KCNA2: variants seen among roughly 807,000 people sequenced by gnomAD.
The protein encoded by KCNA2 is potassium voltage-gated channel subfamily A member 2.
KCNA2 carries 11 observed loss-of-function variants against 33.4 expected under a neutral mutation model. That is an observed-to-expected ratio of 0.33 (90% CI 0.21 to 0.55). The LOEUF (loss-of-function observed/expected upper bound fraction) is 0.55, where lower values mean the gene tolerates loss of function less well. Ranked by LOEUF, KCNA2 falls within the 20% of genes least tolerant of loss-of-function variation. The pLI is 0.93. For missense variants in KCNA2, 291 were observed against 621.6 expected (o/e 0.47, Z 5.66); for synonymous variants, 222 against 231.3 (o/e 0.96, Z 0.37).
Position 110,597,698 on chromosome 1 carries a change from A to C in KCNA2, c.*5585T>G. ...ACTGTGAATGAGCCCCCAGAAGTCAAGGGCATTATCTGATAATCCAGGTAC... is the reference window on the plus strand; with the variant it reads ...ACTGTGAATGAGCCCCCAGAAGTCACGGGCATTATCTGATAATCCAGGTAC... On this transcript the variant is annotated 3_prime_UTR_variant, in exon 3 of 3. Transcript: ENST00000316361. The C allele has an allele frequency of 5.1e-6, 5 of 985,460 alleles. No homozygotes were observed. Among genetic ancestry groups the C allele is most frequent in the Non-Finnish European group, 4.8e-6 (4 of 829,936 alleles). 61.0% of individuals were successfully genotyped at this position (985,460 alleles called of 1,614,324 possible).
intron 1 of KCNA2, among the ~76,000 whole-genome samples, chr1:110,624,155 G>T (rs1489047250): frequency 2.0e-5 from 3 of 152,146 alleles, no homozygotes; most frequent in Non-Finnish European, 4.4e-5. Flanking sequence ...CCATCCAAGA[G>T]AAATAAAAAC....
In KCNA2 at chr1:110,602,240, T is replaced by A. The variant is rs1260932180; in HGVS notation, c.*1043A>T. 3.3e-6 allele frequency: 5 copies of A among 1,537,124 alleles called. No individual in the cohort carries two copies. The Admixed American group carries it at 8.0e-5, about 24-fold the overall frequency. On this transcript the variant is annotated 3_prime_UTR_variant, in exon 3 of 3. Transcript: ENST00000316361. ...TTAGTTCCATTCCAAATAGTCTATT[T>A]TTTTTCCCCTGATGGAGGGATTTTT...
At chr1:110,627,648 A>C (rs1650433864) in intron 1 of KCNA2, among the ~76,000 whole-genome samples, 1 of 152,148 alleles carries the variant, frequency 6.6e-6, no homozygotes, top group African/African-American at 2.4e-5. Context: ...TTGTCTGAAG[A>C]AAGTGGGTAA....
intron 1 of KCNA2, among the ~76,000 whole-genome samples, chr1:110,625,316 G>T (rs1052436972): frequency 6.6e-6 from 1 of 152,198 alleles, no homozygotes; most frequent in African/African-American, 2.4e-5. Flanking sequence ...TGAATGGGAA[G>T]TTCAGACATA....
intron 1 of KCNA2, among the ~76,000 whole-genome samples, chr1:110,630,534 T>C (rs1024045840): frequency 6.6e-6 from 1 of 152,214 alleles, no homozygotes; most frequent in Admixed American, 6.5e-5. Flanking sequence ...AATGGATTCA[T>C]GGTTTCAGTT....
rs1004796713 is a variant in KCNA2 at position 110,606,306 on chromosome 1, AT to A, written c.-575del. 2.6e-5 allele frequency: 4 copies of A among 152,136 alleles called. No homozygotes were observed. Among genetic ancestry groups the A allele is most frequent in the African/African-American group, 9.7e-5 (4 of 41,414 alleles). The allele number at this position is 152,136 out of a possible 1,614,324, so 9.4% of individuals were successfully genotyped here. On this transcript the variant is annotated 5_prime_UTR_variant, in exon 1 of 3. Transcript: ENST00000316361. The stretch of plus-strand genomic sequence containing the variant: ...GAGCTGGGCAGGCGCTCGACCACTG[AT>A]TTCTCCCCCAAGAGAAAATCCCTCA...
Position 110,602,851 on chromosome 1 carries a change from C to T in KCNA2, c.*432G>A. On this transcript the variant is annotated 3_prime_UTR_variant, in exon 3 of 3. Transcript: ENST00000316361. ...GTATGACCTTTTGAACAAACACCAG[C>T]TATTTAAAGCTAAGCCATGATTGTG... 1 of 1,004,734 alleles carries T rather than the reference C, an allele frequency of 1.0e-6. No individual in the cohort carries two copies. Among genetic ancestry groups the T allele is most frequent in the Non-Finnish European group, 1.2e-6 (1 of 842,932 alleles). 62.2% of individuals were successfully genotyped at this position (1,004,734 alleles called of 1,614,324 possible). A position where few individuals can be genotyped will look rare whatever the true frequency, so the allele number is the denominator to read the frequency against.
intron 1 of KCNA2, among the ~76,000 whole-genome samples, chr1:110,626,169 A>G (rs1380173307): frequency 6.6e-6 from 1 of 152,202 alleles, no homozygotes; most frequent in Non-Finnish European, 1.5e-5. Context: ...TTGCTGCATG[A>G]TCTGTAATAG....
chr1:110,603,221 C>T lies in KCNA2; in HGVS notation c.*62G>A. The stretch of plus-strand genomic sequence containing the variant: ...ACTGTAGAACACACTGACTACAATG[C>T]AGGCTATTATGCAACATCTGCATTA... On this transcript the variant is annotated 3_prime_UTR_variant, in exon 3 of 3. Transcript: ENST00000316361. The surrounding 1 kb of genome is among the most constrained non-coding windows in gnomAD (Gnocchi z 5.7). 1.3e-6 allele frequency: 2 copies of T among 1,542,544 alleles called. No individual in the cohort carries two copies. Among genetic ancestry groups the T allele is most frequent in the East Asian group, 4.5e-5 (2 of 44,404 alleles).
upstream of KCNA2, chr1:110,607,170 G>T (rs1391079408): frequency 1.3e-5 from 2 of 152,204 alleles, no homozygotes; most frequent in East Asian, 3.9e-4. Context: ...CTGCGCCGCC[G>T]GGTGCCCCGC....
intron 1 of KCNA2, among the ~76,000 whole-genome samples, chr1:110,625,653 C>G (rs969209823): frequency 6.6e-6 from 1 of 151,850 alleles, no homozygotes; most frequent in Non-Finnish European, 1.5e-5. Context: ...TAAGACAATT[C>G]AAAGAAAAAT....
intron 1 of KCNA2, among the ~76,000 whole-genome samples, chr1:110,618,824 G>C (rs1298698379): frequency 1.3e-5 from 2 of 152,042 alleles, no homozygotes; most frequent in East Asian, 3.9e-4. Context: ...TATGGCCTCT[G>C]CCTTCAGACC....
chr1:110,594,610 ATCATGGGACTT>A lies in KCNA2; in HGVS notation c.*8662_*8672del, dbSNP rs1415898270. On this transcript the variant is annotated 3_prime_UTR_variant, in exon 3 of 3. Transcript: ENST00000316361. ...TGTTTGCTCAGCAGGCTAGAGCTTG[ATCATGGGACTT>A]TCCAGCTTCCTGGGGCCCTTCAAAT... 1.0e-6 allele frequency: 1 copy of A among 985,284 alleles called. No homozygotes were observed. The highest frequency in any genetic ancestry group is 1.7e-5 in the African/African-American group (1 of 57,224). The allele number at this position is 985,284 out of a possible 1,614,324, so 61.0% of individuals were successfully genotyped here.
In KCNA2 at chr1:110,595,469, G is replaced by C; in HGVS notation, c.*7814C>G. ...GACTGGAGGGCTTCTGTGGGTGTGG[G>C]GAGATGGCAGACACCCCTGCACCAC... On this transcript the variant is annotated 3_prime_UTR_variant, in exon 3 of 3. Coordinates refer to ENST00000316361, the MANE Select transcript of KCNA2 (RefSeq NM_004974.4). The C allele has an allele frequency of 1.0e-6, 1 of 985,416 alleles. No individual in the cohort carries two copies. The allele number at this position is 985,416 out of a possible 1,614,324, so 61.0% of individuals were successfully genotyped here.
Position 110,605,545 on chromosome 1 carries a change from T to A in KCNA2, c.-318A>T, listed in dbSNP as rs1295871711. 6.6e-6 allele frequency: 1 copy of A among 152,618 alleles called. No individual in the cohort carries two copies. Among genetic ancestry groups the A allele is most frequent in the Non-Finnish European group, 1.5e-5 (1 of 68,382 alleles). 9.5% of individuals were successfully genotyped at this position (152,618 alleles called of 1,614,324 possible). On this transcript the variant is annotated 5_prime_UTR_variant, in exon 2 of 3. Coordinates refer to ENST00000316361, the MANE Select transcript of KCNA2 (RefSeq NM_004974.4). ...TCTGGGCAGAAGGGCAGACTCTGGG[T>A]CCTGGAGGTGAGCTCTAGGATTGGG...
At position 110,596,347 on chromosome 1, in the gene KCNA2, A is replaced by G; in HGVS notation, c.*6936T>C. On this transcript the variant is annotated 3_prime_UTR_variant, in exon 3 of 3. Transcript: ENST00000316361. The stretch of plus-strand genomic sequence containing the variant: ...ATATATACATATACTATATATATAT[A>G]TATACACACATAAATATATGTATAT... 1 of 382,920 alleles carries G rather than the reference A, an allele frequency of 2.6e-6. No individual in the cohort carries two copies. The allele number at this position is 382,920 out of a possible 1,614,324, so 23.7% of individuals were successfully genotyped here. A position where few individuals can be genotyped will look rare whatever the true frequency, so the allele number is the denominator to read the frequency against.
At position 110,601,634 on chromosome 1, in the gene KCNA2, C is replaced by T; in HGVS notation, c.*1649G>A. ...AAGACAATTCTAACGTCTAGGAATC[C>T]ATGGATACCGGAGTGTCTGAGGCAA... On this transcript the variant is annotated 3_prime_UTR_variant, in exon 3 of 3. Coordinates refer to ENST00000316361, the MANE Select transcript of KCNA2 (RefSeq NM_004974.4). The T allele has an allele frequency of 9.8e-7, 1 of 1,017,878 alleles. No individual in the cohort carries two copies. Among genetic ancestry groups the T allele is most frequent in the South Asian group, 4.6e-5 (1 of 21,606 alleles). The allele number at this position is 1,017,878 out of a possible 1,614,324, so 63.1% of individuals were successfully genotyped here.
At chr1:110,629,310 G>T (rs1208644865) in intron 1 of KCNA2, among the ~76,000 whole-genome samples, 1 of 152,130 alleles carries the variant, frequency 6.6e-6, no homozygotes, top group African/African-American at 2.4e-5. Flanking sequence ...ATCCCCAATG[G>T]ATATGAAAGT....
rs937294907 is a variant in KCNA2, at chr1:110,594,590, G to A, written c.*8693C>T. ...GGCCAATTTGGCTGGGGTATTGTTTGCTCAGCAGGCTAGAGCTTGATCATG... is the reference window on the plus strand; with the variant it reads ...GGCCAATTTGGCTGGGGTATTGTTTACTCAGCAGGCTAGAGCTTGATCATG... On this transcript the variant is annotated 3_prime_UTR_variant, in exon 3 of 3. Transcript: ENST00000316361. The A allele has an allele frequency of 3.0e-6, 3 of 985,292 alleles. No individual in the cohort carries two copies. Among genetic ancestry groups the A allele is most frequent in the Non-Finnish European group, 3.6e-6 (3 of 829,952 alleles). The allele number at this position is 985,292 out of a possible 1,614,324, so 61.0% of individuals were successfully genotyped here.
Sources: gnomAD v4.1 joint callset for allele counts (sites outside exome capture counted in the v4.1 genomes callset) on GRCh38, gnomAD v4.1.1 for gene constraint, Gnocchi (gnomAD v3.1) non-coding constraint, MANE v1.5 for transcripts, NCBI Gene and HGNC (gene_info 2026-07-23, HGNC 2026-07-21) for gene names.